OCA2: variants seen among roughly 807,000 people sequenced by gnomAD.
OCA2 encodes OCA2 melanosomal transmembrane protein.
Under a neutral mutation model 100.2 loss-of-function variants are expected in OCA2, and 77 were observed. The observed-to-expected ratio is 0.77, with a 90% CI of 0.64 to 0.93. OCA2 has a LOEUF of 0.93. Among genes scored for constraint, OCA2 ranks in the 40% least tolerant of loss-of-function variants. The pLI, the probability that OCA2 is intolerant of heterozygous loss-of-function variation, is 0.00. For missense variants in OCA2, 1,062 were observed against 1,089.1 expected (o/e 0.98, Z 0.35); for synonymous variants, 432 against 439.2 (o/e 0.98, Z 0.21).
intron 15 of OCA2, among the ~76,000 whole-genome samples, chr15:27,958,022 A>G (rs1225335947): frequency 2.0e-5 from 3 of 152,182 alleles, no homozygotes; most frequent in Non-Finnish European, 2.9e-5. Flanking sequence ...GGACATAGCA[A>G]GGGGAACATC....
chr15:27,759,761 T>C (rs1232071690), intron 23 of OCA2, among the ~76,000 whole-genome samples: 1 of 152,132 alleles, frequency 6.6e-6, no homozygotes, highest in Non-Finnish European at 1.5e-5. Flanking sequence ...TCCACTATTA[T>C]AGATGGAGAC....
At chr15:27,734,286 C>CAAAAA in the OCA2 span, among the ~76,000 whole-genome samples, 1,195 of 76,284 alleles carry the variant, frequency 0.016, 100 homozygotes, top group South Asian at 0.074. Context: ...TTTTCAAGAG[C>CAAAAA]AAAAAAAAAA....
intron 1 of OCA2, among the ~76,000 whole-genome samples, chr15:28,095,471 A>G (rs1227720989): frequency 2.6e-5 from 4 of 152,138 alleles, no homozygotes; most frequent in African/African-American, 9.7e-5. Context: ...AATCCCAGCA[A>G]TTTGAAAGAC....
intron 16 of OCA2, 43 bp from the exon 17 acceptor site, chr15:27,955,258 T>TCCGCGATCTCACCGCGCA: frequency 2.8e-6 from 4 of 1,450,812 alleles, no homozygotes; most frequent in Non-Finnish European, 3.9e-6. Context: ...CTGGTCACGC[T>TCCGCGATCTCACCGCGCA]GCGTGGTGAG....
intron 17 of OCA2, among the ~76,000 whole-genome samples, chr15:27,954,866 G>A (rs1426220351): frequency 6.6e-6 from 1 of 152,218 alleles, no homozygotes. Flanking sequence ...TTCAGGGCCA[G>A]GAGCGGGCTG....
chr15:27,823,888 C>A (rs986748478), intron 23 of OCA2, among the ~76,000 whole-genome samples: 1 of 152,178 alleles, frequency 6.6e-6, no homozygotes, highest in Non-Finnish European at 1.5e-5. Context: ...CATTGCAATA[C>A]TAAGGAGCTT....
At chr15:27,971,313 A>G (rs978066851) in intron 14 of OCA2, among the ~76,000 whole-genome samples, 1 of 152,224 alleles carries the variant, frequency 6.6e-6, no homozygotes. Flanking sequence ...TCAGAAGCAT[A>G]GGGGCACGCT....
intron 23 of OCA2, among the ~76,000 whole-genome samples, chr15:27,840,610 A>G (rs946500419): frequency 2.6e-5 from 4 of 152,352 alleles, no homozygotes; most frequent in African/African-American, 9.6e-5. Context: ...ACAGATCCAC[A>G]AAGATGCACT....
intron 23 of OCA2, among the ~76,000 whole-genome samples, chr15:27,765,431 A>T (rs987886995): frequency 6.6e-6 from 1 of 152,090 alleles, no homozygotes; most frequent in African/African-American, 2.4e-5. Flanking sequence ...ACTCCCTATA[A>T]CTCCATGATT....
chr15:27,921,818 C>T (rs2038869131), intron 19 of OCA2, among the ~76,000 whole-genome samples: 1 of 152,212 alleles, frequency 6.6e-6, no homozygotes. Flanking sequence ...CCTCCCACAT[C>T]AGCCTCCTGA....
rs2151432724 is a variant in OCA2 at position 27,856,531 on chromosome 15, T to C, written c.2245-5056A>G. On this transcript the variant is annotated intron_variant, in intron 21 of 23. Transcript: ENST00000354638. The stretch of plus-strand genomic sequence containing the variant: ...ATATCAGGGCAGGCAATAACGACCT[T>C]GTCCTCCAAAAACTGAGGTTATGTA... Among the ~76,000 whole-genome samples, 4 of 152,258 alleles carry C rather than the reference T, an allele frequency of 2.6e-5. No homozygotes were observed. The South Asian group carries it at 8.3e-4, about 32-fold the overall frequency.
intron 23 of OCA2, among the ~76,000 whole-genome samples, chr15:27,790,271 C>T (rs2033018615): frequency 1.3e-5 from 2 of 152,178 alleles, no homozygotes; most frequent in Admixed American, 6.5e-5. Context: ...GCTGATTAGA[C>T]AGTAGGAAAA....
At chr15:28,000,732 G>T (rs940421146) in intron 9 of OCA2, among the ~76,000 whole-genome samples, 4 of 152,024 alleles carry the variant, frequency 2.6e-5, no homozygotes, top group African/African-American at 9.7e-5. Flanking sequence ...GGTTAATATT[G>T]AACATATGTA....
chr15:27,838,939 G>A (rs879188160), intron 23 of OCA2, among the ~76,000 whole-genome samples: 1 of 152,130 alleles, frequency 6.6e-6, no homozygotes, highest in East Asian at 1.9e-4. Context: ...GGCCAATGGT[G>A]AGCATCCAAT....
At chr15:27,737,214 A>C in the OCA2 span, among the ~76,000 whole-genome samples, 3 of 152,246 alleles carry the variant, frequency 2.0e-5, no homozygotes, top group Non-Finnish European at 4.4e-5. Context: ...ATAAAAGCTC[A>C]TGAGTATGAT....
chr15:27,881,727 AT>A (rs879251938), intron 19 of OCA2, among the ~76,000 whole-genome samples: 1 of 151,966 alleles, frequency 6.6e-6, no homozygotes. Context: ...CCTCTTTATC[AT>A]TTTTTTATTG....
At chr15:27,722,210 G>A in the OCA2 span, among the ~76,000 whole-genome samples, 5 of 152,326 alleles carry the variant, frequency 3.3e-5, no homozygotes, top group East Asian at 1.9e-4. Flanking sequence ...CGCTTAGACC[G>A]GGTCGTGTAT....
At chr15:27,784,962 C>G (rs2032736516) in intron 23 of OCA2, among the ~76,000 whole-genome samples, 1 of 151,836 alleles carries the variant, frequency 6.6e-6, no homozygotes, top group Non-Finnish European at 1.5e-5. Context: ...TTAATGATAT[C>G]AAACCACAAA....
intron 5 of OCA2, 23 bp from the exon 6 acceptor site, chr15:28,022,596 A>G: frequency 6.3e-7 from 1 of 1,577,908 alleles, no homozygotes; most frequent in Non-Finnish European, 8.7e-7. Context: ...GAAACGTTGA[A>G]TGACAGAGGT....
Sources: gnomAD v4.1 joint callset for allele counts (sites outside exome capture counted in the v4.1 genomes callset) on GRCh38, gnomAD v4.1.1 for gene constraint, MANE v1.5 for transcripts, NCBI Gene and HGNC (gene_info 2026-07-23, HGNC 2026-07-21) for gene names.